The following ADAMTSL1 variants were observed in gnomAD, a reference collection of about 807,000 sequenced individuals.
ADAMTSL1 encodes the protein ADAMTS like 1.
Under a neutral mutation model 201.8 loss-of-function variants are expected in ADAMTSL1, and 126 were observed. That is an observed-to-expected ratio of 0.62 (90% CI 0.54 to 0.72). The LOEUF (loss-of-function observed/expected upper bound fraction) is 0.72. Among genes scored for constraint, ADAMTSL1 ranks in the 30% least tolerant of loss-of-function variants. The pLI is 0.00. For missense variants in ADAMTSL1, 2,679 were observed against 2,277.8 expected (o/e 1.18, Z -3.59); for synonymous variants, 1,121 against 903.4 (o/e 1.24, Z -4.32).
chr9:18,188,192 C>G (rs545198309), intron 2 of ADAMTSL1, among the ~76,000 whole-genome samples: 6 of 152,224 alleles, frequency 3.9e-5, no homozygotes, highest in East Asian at 1.9e-4. Flanking sequence ...CCTTTTCCCC[C>G]CAACACATAC....
chr9:18,573,987 A>G (rs1196480725), intron 3 of ADAMTSL1, 43 bp from the exon 4 acceptor site: 2 of 1,524,318 alleles, frequency 1.3e-6, no homozygotes, highest in Non-Finnish European at 1.8e-6. Context: ...GTTTGGGGGT[A>G]TCCTCCTAAC....
chr9:18,284,047 A>C (rs1362757528), intron 2 of ADAMTSL1, among the ~76,000 whole-genome samples: 1 of 151,692 alleles, frequency 6.6e-6, no homozygotes, highest in Non-Finnish European at 1.5e-5. Context: ...CCTCACCAAC[A>C]TGGAGAAACC....
At chr9:18,247,852 G>C (rs1831322157) in intron 2 of ADAMTSL1, among the ~76,000 whole-genome samples, 1 of 151,936 alleles carries the variant, frequency 6.6e-6, no homozygotes, top group African/African-American at 2.4e-5. Flanking sequence ...CAGCTTCTAG[G>C]AGGCCTTGCA....
intron 1 of ADAMTSL1, among the ~76,000 whole-genome samples, chr9:18,076,583 A>T (rs189627640): frequency 6.6e-6 from 1 of 152,312 alleles, no homozygotes; most frequent in Admixed American, 6.5e-5. Context: ...AAACACCTGA[A>T]TGTGGTTATG....
chr9:18,693,635 G>T (rs1831371375), intron 13 of ADAMTSL1, among the ~76,000 whole-genome samples: 1 of 152,166 alleles, frequency 6.6e-6, no homozygotes, highest in Non-Finnish European at 1.5e-5. Flanking sequence ...AATAAGCACA[G>T]TACCAAGTCA....
chr9:18,463,812 A>G (rs1447718018), intron 2 of ADAMTSL1, among the ~76,000 whole-genome samples: 1 of 152,256 alleles, frequency 6.6e-6, no homozygotes, highest in Non-Finnish European at 1.5e-5. Context: ...TAACACTGCT[A>G]TGAACATGGG....
chr9:18,074,501 CTTTTCTTTTCTTCTT>C (rs750827509), intron 1 of ADAMTSL1, among the ~76,000 whole-genome samples: 260 of 71,156 alleles, frequency 3.7e-3, no homozygotes, highest in Non-Finnish European at 5.5e-3. Context: ...CTTTTCTTTT[CTTTTCTTTTCTTCTT>C]TTCTTTTCTT....
At chr9:17,956,315 T>A (rs1827930197) in intron 1 of ADAMTSL1, among the ~76,000 whole-genome samples, 1 of 152,158 alleles carries the variant, frequency 6.6e-6, no homozygotes, top group African/African-American at 2.4e-5. Flanking sequence ...TGAATTTTGA[T>A]CTTTTCTGTT....
chr9:18,628,973 C>T (rs568745486), intron 5 of ADAMTSL1, among the ~76,000 whole-genome samples: 92 of 152,322 alleles, frequency 6.0e-4, no homozygotes, highest in African/African-American at 2.1e-3. Context: ...AAGTGATCTA[C>T]CTGCCTCAGC....
At chr9:18,219,607 GGT>G (rs1265097596) in intron 2 of ADAMTSL1, among the ~76,000 whole-genome samples, 2 of 151,958 alleles carry the variant, frequency 1.3e-5, no homozygotes, top group Non-Finnish European at 2.9e-5. Flanking sequence ...GACCTCAGAT[GGT>G]CTGCCCACCT....
chr9:18,533,231 TC>T lies in ADAMTSL1; in HGVS notation c.192-15del, dbSNP rs2049798347. 1 of 1,602,668 alleles carries T rather than the reference TC, an allele frequency of 6.2e-7. No individual in the cohort carries two copies. The highest frequency in any genetic ancestry group is 2.2e-5 in the East Asian group (1 of 44,550). On this transcript the variant is annotated splice_polypyrimidine_tract_variant and intron_variant, in intron 2 of 28. Coordinates refer to ENST00000380548, the MANE Select transcript of ADAMTSL1 (RefSeq NM_001040272.6). ...TTCATAAGTAGTAATATTTCTTTTT[TC>T]TTTTTGCAACTTAGGAGCTGTGAAG...
At chr9:18,580,311 A>G (rs1055765426) in intron 4 of ADAMTSL1, among the ~76,000 whole-genome samples, 4 of 152,204 alleles carry the variant, frequency 2.6e-5, no homozygotes, top group African/African-American at 9.6e-5. Context: ...TTCATTTTTA[A>G]TAATTCCTGT....
intron 2 of ADAMTSL1, among the ~76,000 whole-genome samples, chr9:18,437,025 T>C (rs906857841): frequency 1.1e-4 from 17 of 151,608 alleles, no homozygotes; most frequent in African/African-American, 3.9e-4. Context: ...CTCAGCCTTG[T>C]TATCTGAGCA....
At chr9:18,681,697 T>TGTGTGGCGG (rs370940110) in intron 11 of ADAMTSL1, 115 bp from the exon 12 acceptor site, 37 of 240,354 alleles carry the variant, frequency 1.5e-4, no homozygotes, top group South Asian at 6.7e-4. Flanking sequence ...AGTCCTCGTG[T>TGTGTGGCGG]GGGGGGGGGG....
At chr9:17,993,100 G>C (rs1482341379) in intron 1 of ADAMTSL1, among the ~76,000 whole-genome samples, 1 of 152,134 alleles carries the variant, frequency 6.6e-6, no homozygotes, top group African/African-American at 2.4e-5. Flanking sequence ...ATTCTTGCTA[G>C]TATGGGATTT....
chr9:18,588,884 C>CATATATATATATAT lies in ADAMTSL1; in HGVS notation c.474+14624_474+14637dup, dbSNP rs754566534. ...GCTTTGTGCCATATATATACATATACATATATATATATATATATACATATA... is the reference window on the plus strand; with the variant it reads ...GCTTTGTGCCATATATATACATATACATATATATATATATATATATATATATATATATACATATA... On this transcript the variant is annotated intron_variant, in intron 4 of 28. Coordinates refer to ENST00000380548, the MANE Select transcript of ADAMTSL1 (RefSeq NM_001040272.6). Among the ~76,000 whole-genome samples, 249 of 122,834 alleles carry CATATATATATATAT rather than the reference C, an allele frequency of 2.0e-3. 5 individuals are homozygous for CATATATATATATAT. Among genetic ancestry groups the CATATATATATATAT allele is most frequent in the African/African-American group, 6.3e-3 (213 of 33,790 alleles). The allele number at this position is 122,834 out of a possible 152,430, so 80.6% of individuals were successfully genotyped here. A position where few individuals can be genotyped will look rare whatever the true frequency, so the allele number is the denominator to read the frequency against.
chr9:17,993,198 G>A (rs1819233336), intron 1 of ADAMTSL1, among the ~76,000 whole-genome samples: 1 of 152,164 alleles, frequency 6.6e-6, no homozygotes, highest in South Asian at 2.1e-4. Context: ...GGGTGGAGTT[G>A]TAAGAATTAT....
chr9:18,360,338 C>T (rs748908694), intron 2 of ADAMTSL1, among the ~76,000 whole-genome samples: 1 of 152,104 alleles, frequency 6.6e-6, no homozygotes, highest in Non-Finnish European at 1.5e-5. Context: ...ACCTAGGAGT[C>T]CTGTCATGGT....
chr9:18,813,736 A>G (rs2131163299), intron 20 of ADAMTSL1, among the ~76,000 whole-genome samples: 1 of 152,334 alleles, frequency 6.6e-6, no homozygotes, highest in East Asian at 1.9e-4. Context: ...TTTTCTATAT[A>G]TGAGATCATG....
Sources: gnomAD v4.1 joint callset for allele counts (sites outside exome capture counted in the v4.1 genomes callset) on GRCh38, gnomAD v4.1.1 for gene constraint, MANE v1.5 for transcripts, NCBI Gene and HGNC (gene_info 2026-07-23, HGNC 2026-07-21) for gene names.